Variants in DRAM2 observed in about 807,000 individuals in gnomAD.
DRAM2 encodes DNA damage-regulated autophagy modulator protein 2.
DRAM2 carries 26 observed loss-of-function variants against 33.5 expected under a neutral mutation model. That is an observed-to-expected ratio of 0.78 (90% CI 0.57 to 1.08). The LOEUF (loss-of-function observed/expected upper bound fraction) is 1.08, where lower values mean the gene tolerates loss of function less well. Among genes scored for constraint, DRAM2 ranks in the 50% least tolerant of loss-of-function variants. The probability of loss-of-function intolerance (pLI) is 0.00; values close to 1 mark genes in which losing one functional copy is unlikely to be tolerated. For synonymous variants in DRAM2, 98 were observed against 109.5 expected (o/e 0.89, Z 0.66); for missense variants, 311 against 318.1 (o/e 0.98, Z 0.17).
chr1:111,120,757 T>C lies in DRAM2; in HGVS notation c.340-64A>G, dbSNP rs1649901312. On this transcript the variant is annotated intron_variant, in intron 6 of 9. Coordinates refer to ENST00000484310, the MANE Select transcript of DRAM2 (RefSeq NM_001349884.2). ...CTCAGAACACATTGGCAACACAACA[T>C]TTAAAAGCACAACCCAGAGATTTCA... The C allele has an allele frequency of 6.5e-6, 9 of 1,380,692 alleles. No homozygotes were observed. In the East Asian group the frequency reaches 7.7e-5, roughly 12 times the overall value. The allele number at this position is 1,380,692 out of a possible 1,614,324, so 85.5% of individuals were successfully genotyped here. A position where few individuals can be genotyped will look rare whatever the true frequency, so the allele number is the denominator to read the frequency against.
intron 6 of DRAM2, among the ~76,000 whole-genome samples, chr1:111,121,207 CA>C (rs1201368488): frequency 6.6e-6 from 1 of 152,138 alleles, no homozygotes; most frequent in East Asian, 1.9e-4. Flanking sequence ...CATTTAAATT[CA>C]ATTTAACTGT....
chr1:111,118,977 A>AC, intron 8 of DRAM2, 80 bp from the exon 9 acceptor site: 1 of 920,772 alleles, frequency 1.1e-6, no homozygotes, highest in Non-Finnish European at 1.5e-6. Context: ...TAAAAAACAC[A>AC]CAATTCTTAT....
intron 3 of DRAM2, among the ~76,000 whole-genome samples, chr1:111,132,617 G>A (rs1236394946): frequency 6.6e-6 from 1 of 152,000 alleles, no homozygotes; most frequent in Admixed American, 6.6e-5. Context: ...TTGATGATCA[G>A]AGAAGTATTG....
intron 4 of DRAM2, among the ~76,000 whole-genome samples, chr1:111,130,632 G>A (rs866296184): frequency 1.9e-4 from 29 of 151,594 alleles, no homozygotes; most frequent in Admixed American, 1.4e-3. Flanking sequence ...CCTGGGAGGC[G>A]GAAGTTGCAG....
chr1:111,121,626 TA>T (rs1228663606), intron 6 of DRAM2, among the ~76,000 whole-genome samples: 1 of 152,196 alleles, frequency 6.6e-6, no homozygotes, highest in Non-Finnish European at 1.5e-5. Flanking sequence ...AAATTTGTTT[TA>T]AAAGAAATTC....
At chr1:111,120,428 G>C in intron 7 of DRAM2, 88 bp downstream of exon 7, 1 of 265,350 alleles carries the variant, frequency 3.8e-6, no homozygotes, top group Non-Finnish European at 6.7e-6. Flanking sequence ...AAGACAAAAA[G>C]GCTTCTTATA....
chr1:111,124,953 A>G, intron 5 of DRAM2, 72 bp from the exon 6 acceptor site: 1 of 1,320,576 alleles, frequency 7.6e-7, no homozygotes, highest in Non-Finnish European at 1.1e-6. Context: ...TGAAGAGTTC[A>G]CAAAGGTCAC....
chr1:111,123,877 A>C (rs1650500752), intron 6 of DRAM2, among the ~76,000 whole-genome samples: 1 of 152,098 alleles, frequency 6.6e-6, no homozygotes, highest in Non-Finnish European at 1.5e-5. Context: ...TTTGCTTTCC[A>C]TCATGTGTAA....
At chr1:111,130,716 T>C (rs7519518) in intron 4 of DRAM2, among the ~76,000 whole-genome samples, 1 of 137,762 alleles carries the variant, frequency 7.3e-6, no homozygotes, top group Admixed American at 7.4e-5. Context: ...AAAAAAAAGT[T>C]TGGGTGCAGT....
At chr1:111,134,053 G>A (rs1185372142) in intron 3 of DRAM2, among the ~76,000 whole-genome samples, 1 of 152,118 alleles carries the variant, frequency 6.6e-6, no homozygotes, top group Admixed American at 6.5e-5. Flanking sequence ...TCCTACATTG[G>A]GGCAGCAGGA....
At position 111,120,111 on chromosome 1, in the gene DRAM2, A is replaced by G. The variant is rs897088526; in HGVS notation, c.518-152T>C. On this transcript the variant is annotated intron_variant, in intron 7 of 9. Transcript: ENST00000484310. Reference sequence around the variant, plus strand: ...TGTTACACAGCAGTGGTACTGTAAAACTAAAAATGTGCTGCTCAGAGGGTC... The same window carrying G: ...TGTTACACAGCAGTGGTACTGTAAAGCTAAAAATGTGCTGCTCAGAGGGTC... 7 of 680,470 alleles carry G rather than the reference A, an allele frequency of 1.0e-5. No homozygotes were observed. The African/African-American group carries it at 1.3e-4, about 12-fold the overall frequency. The allele number at this position is 680,470 out of a possible 1,614,324, so 42.2% of individuals were successfully genotyped here. A position where few individuals can be genotyped will look rare whatever the true frequency, so the allele number is the denominator to read the frequency against.
intron 3 of DRAM2, among the ~76,000 whole-genome samples, chr1:111,132,151 G>C (rs1652231441): frequency 6.6e-6 from 1 of 152,186 alleles, no homozygotes; most frequent in South Asian, 2.1e-4. Context: ...GGAAGGCAGA[G>C]AGAGAGGATG....
At chr1:111,131,109 T>A (rs1407941561) in intron 4 of DRAM2, among the ~76,000 whole-genome samples, 1 of 152,214 alleles carries the variant, frequency 6.6e-6, no homozygotes, top group Non-Finnish European at 1.5e-5. Context: ...GTTTGTAGCA[T>A]TTATTTTTTA....
intron 3 of DRAM2, among the ~76,000 whole-genome samples, chr1:111,136,402 TA>T (rs1189709780): frequency 3.9e-5 from 6 of 151,946 alleles, no homozygotes; most frequent in African/African-American, 7.3e-5. Flanking sequence ...CAGTCTCTAC[TA>T]AAAATACAAA....
intron 3 of DRAM2, among the ~76,000 whole-genome samples, chr1:111,135,002 A>C (rs1652881239): frequency 6.6e-6 from 1 of 152,192 alleles, no homozygotes; most frequent in African/African-American, 2.4e-5. Flanking sequence ...TCAAGTTTTC[A>C]GGTGGTATCT....
chr1:111,123,570 C>A (rs1650429843), intron 6 of DRAM2, among the ~76,000 whole-genome samples: 1 of 152,188 alleles, frequency 6.6e-6, no homozygotes, highest in African/African-American at 2.4e-5. Flanking sequence ...GATGTCTAAT[C>A]ACCCTGGCCT....
chr1:111,124,508 T>C (rs995910718), intron 6 of DRAM2, among the ~76,000 whole-genome samples: 4 of 152,356 alleles, frequency 2.6e-5, no homozygotes, highest in African/African-American at 9.6e-5. Flanking sequence ...ATAATTGTCC[T>C]GTGGATCCTA....
intron 3 of DRAM2, among the ~76,000 whole-genome samples, chr1:111,133,745 T>G (rs1186175882): frequency 6.6e-6 from 1 of 152,250 alleles, no homozygotes; most frequent in Non-Finnish European, 1.5e-5. Flanking sequence ...CAATCAACTA[T>G]GCCACAGTGC....
chr1:111,131,345 G>C, intron 4 of DRAM2, 79 bp downstream of exon 4: 6 of 1,377,124 alleles, frequency 4.4e-6, no homozygotes, highest in Non-Finnish European at 5.9e-6. Flanking sequence ...TTAAAAGGTT[G>C]ACATTAAATG....
Sources: gnomAD v4.1 joint callset for allele counts (sites outside exome capture counted in the v4.1 genomes callset) on GRCh38, gnomAD v4.1.1 for gene constraint, MANE v1.5 for transcripts, NCBI Gene and HGNC (gene_info 2026-07-23, HGNC 2026-07-21) for gene names.